Variants in HSDL2 observed in about 807,000 individuals in gnomAD.
HSDL2 encodes the protein hydroxysteroid dehydrogenase-like protein 2.
A neutral mutation model predicts 46.3 loss-of-function variants in HSDL2; 27 were observed. That is an observed-to-expected ratio of 0.58 (90% CI 0.43 to 0.80). The LOEUF (loss-of-function observed/expected upper bound fraction) is 0.80, where lower values mean the gene tolerates loss of function less well. HSDL2 is among the 30% of genes least tolerant of loss of function. The pLI is 0.00. For synonymous variants in HSDL2, 153 were observed against 163.6 expected (o/e 0.94, Z 0.50); for missense variants, 451 against 502.7 (o/e 0.90, Z 0.98).
chr9:112,432,167 C>T (rs550179255), intron 6 of HSDL2, among the ~76,000 whole-genome samples: 46 of 152,138 alleles, frequency 3.0e-4, no homozygotes, highest in Non-Finnish European at 6.0e-4. Context: ...CAGGTGTGAG[C>T]CACTGTGCCG....
At position 112,408,895 on chromosome 9, in the gene HSDL2, T is replaced by C; in HGVS notation, c.281-12T>C. On this transcript the variant is annotated splice_polypyrimidine_tract_variant and intron_variant, in intron 3 of 10. Coordinates refer to ENST00000398805, the MANE Select transcript of HSDL2 (RefSeq NM_032303.5). ...TCTTTCATTAAAATGAAATTGATTATTTTGAAAACAGGAATTGATATTCTG... is the reference window on the plus strand; with the variant it reads ...TCTTTCATTAAAATGAAATTGATTACTTTGAAAACAGGAATTGATATTCTG... The C allele has an allele frequency of 7.2e-7, 1 of 1,382,274 alleles. No homozygotes were observed. Among genetic ancestry groups the C allele is most frequent in the Non-Finnish European group, 1.0e-6 (1 of 984,616 alleles). 85.6% of individuals were successfully genotyped at this position (1,382,274 alleles called of 1,614,324 possible). A position where few individuals can be genotyped will look rare whatever the true frequency, so the allele number is the denominator to read the frequency against.
At position 112,397,936 on chromosome 9, in the gene HSDL2, C is replaced by T. The variant is rs115381517; in HGVS notation, c.18-6059C>T. 7.8e-3 allele frequency among the ~76,000 whole-genome samples: 1,185 copies of T among 152,150 alleles called. 20 individuals are homozygous for T. Among genetic ancestry groups the T allele is most frequent in the African/African-American group, 0.027 (1,109 of 41,492 alleles). On this transcript the variant is annotated intron_variant, in intron 1 of 10. Coordinates refer to ENST00000398805, the MANE Select transcript of HSDL2 (RefSeq NM_032303.5). ...CCTTGAGCACTGGGAGATTCCAGCACGACCGGATAAGCCGACACCTCTAAT... is the reference window on the plus strand; with the variant it reads ...CCTTGAGCACTGGGAGATTCCAGCATGACCGGATAAGCCGACACCTCTAAT...
At position 112,441,683 on chromosome 9, in the gene HSDL2, G is replaced by C. The variant is rs752986804; in HGVS notation, c.794-16G>C. The C allele has an allele frequency of 1.9e-6, 3 of 1,586,598 alleles. No individual in the cohort carries two copies. The East Asian group carries it at 6.7e-5, about 36-fold the overall frequency. On this transcript the variant is annotated splice_polypyrimidine_tract_variant and intron_variant, in intron 7 of 10. Coordinates refer to ENST00000398805, the MANE Select transcript of HSDL2 (RefSeq NM_032303.5). ...TGTAGTTACATTAACCTAATGGTTT[G>C]GGGTCAATTTTTCAGGTCATCCTTT...
chr9:112,380,115 T>A lies in HSDL2; in HGVS notation c.-49T>A. On this transcript the variant is annotated 5_prime_UTR_variant, in exon 1 of 11. Transcript: ENST00000398805. The stretch of plus-strand genomic sequence containing the variant: ...GAGGGACGGTCCAGCTTTAGCTCTC[T>A]GCTCGCCGCCGCCGCTGTCGCCGCC... 6.6e-7 allele frequency: 1 copy of A among 1,522,226 alleles called. No individual in the cohort carries two copies. The highest frequency in any genetic ancestry group is 1.2e-5 in the South Asian group (1 of 83,844). The allele number at this position is 1,522,226 out of a possible 1,614,324, so 94.3% of individuals were successfully genotyped here.
chr9:112,404,246 T>G (rs1313137936), intron 2 of HSDL2, 88 bp downstream of exon 2: 10 of 1,268,954 alleles, frequency 7.9e-6, no homozygotes, highest in Non-Finnish European at 1.1e-5. Context: ...TAAAGCTATT[T>G]GAAAGCTACC....
chr9:112,425,955 G>A (rs1403679287), intron 6 of HSDL2, among the ~76,000 whole-genome samples: 1 of 152,064 alleles, frequency 6.6e-6, no homozygotes, highest in African/African-American at 2.4e-5. Context: ...TATTCAGGCT[G>A]GTCTCGAACT....
At chr9:112,468,623 TCTC>T (rs555139619) in intron 10 of HSDL2, among the ~76,000 whole-genome samples, 5 of 152,028 alleles carry the variant, frequency 3.3e-5, no homozygotes, top group Middle Eastern at 3.4e-3. Flanking sequence ...TCTTCTCCTC[TCTC>T]CTTCCTGTGC....
At chr9:112,439,716 T>C (rs1431448258) in intron 7 of HSDL2, among the ~76,000 whole-genome samples, 1 of 152,258 alleles carries the variant, frequency 6.6e-6, no homozygotes, top group African/African-American at 2.4e-5. Flanking sequence ...TACAAAGCAC[T>C]CTTATATGCA....
intron 6 of HSDL2, chr9:112,433,786 C>G (rs1832459891): frequency 6.6e-6 from 1 of 152,306 alleles, no homozygotes; most frequent in African/African-American, 2.4e-5. Flanking sequence ...CAGCTGGAAC[C>G]AGAAGTAATC....
At chr9:112,409,292 C>T (rs1349138438) in intron 4 of HSDL2, among the ~76,000 whole-genome samples, 1 of 152,030 alleles carries the variant, frequency 6.6e-6, no homozygotes, top group Non-Finnish European at 1.5e-5. Context: ...TAGGTTCAAG[C>T]GATTCTCCTG....
chr9:112,394,884 G>T (rs1220746574), intron 1 of HSDL2, among the ~76,000 whole-genome samples: 1 of 152,180 alleles, frequency 6.6e-6, no homozygotes, highest in Non-Finnish European at 1.5e-5. Context: ...ACTATCGTTA[G>T]TATAGATTTC....
chr9:112,419,662 G>A (rs971337901), intron 6 of HSDL2, among the ~76,000 whole-genome samples: 14 of 152,120 alleles, frequency 9.2e-5, no homozygotes, highest in African/African-American at 3.4e-4. Context: ...TAACATTTTT[G>A]TATTCTTACT....
chr9:112,383,016 CT>C (rs982563127), intron 1 of HSDL2, among the ~76,000 whole-genome samples: 1,479 of 139,866 alleles, frequency 0.011, 35 homozygotes, highest in African/African-American at 0.037. Context: ...TTCTGTCTTT[CT>C]TTTTTTTGAG....
At chr9:112,399,517 A>G (rs1831539766) in intron 1 of HSDL2, among the ~76,000 whole-genome samples, 1 of 152,104 alleles carries the variant, frequency 6.6e-6, no homozygotes, top group Non-Finnish European at 1.5e-5. Context: ...ACCAGGGTGG[A>G]GTTTTTCCCC....
intron 1 of HSDL2, among the ~76,000 whole-genome samples, chr9:112,387,887 G>A (rs1013148343): frequency 3.3e-5 from 5 of 152,140 alleles, no homozygotes; most frequent in African/African-American, 9.7e-5. Context: ...AGCCAGGGGT[G>A]GTGGCTCATG....
At chr9:112,465,378 C>T (rs1183435414) in intron 10 of HSDL2, among the ~76,000 whole-genome samples, 3 of 152,202 alleles carry the variant, frequency 2.0e-5, no homozygotes, top group African/African-American at 7.2e-5. Context: ...ATCCTCCTGC[C>T]TCGGCCTGCC....
At chr9:112,436,752 A>G (rs1041803856) in intron 6 of HSDL2, among the ~76,000 whole-genome samples, 6 of 152,042 alleles carry the variant, frequency 3.9e-5, no homozygotes, top group African/African-American at 1.4e-4. Context: ...ATGTAAGAAA[A>G]TTGAGATGTT....
chr9:112,467,764 T>C (rs148524775), intron 10 of HSDL2, among the ~76,000 whole-genome samples: 88 of 152,318 alleles, frequency 5.8e-4, no homozygotes, highest in African/African-American at 2.0e-3. Flanking sequence ...TTTTCTACGT[T>C]GTCAAATGTA....
chr9:112,401,160 C>A (rs1444595867), intron 1 of HSDL2, among the ~76,000 whole-genome samples: 1 of 152,016 alleles, frequency 6.6e-6, no homozygotes, highest in Non-Finnish European at 1.5e-5. Flanking sequence ...TCTTACTTAG[C>A]AAGTGAGTAA....
Sources: allele counts gnomAD v4.1 joint callset (sites outside exome capture counted in the v4.1 genomes callset), GRCh38; gene constraint gnomAD v4.1.1; transcripts MANE v1.5; gene names NCBI Gene and HGNC (gene_info 2026-07-23, HGNC 2026-07-21).